PDIA5: variants seen among roughly 807,000 people sequenced by gnomAD.
PDIA5 encodes the protein protein disulfide isomerase family A member 5, also known as protein disulfide-isomerase A5.
Under a neutral mutation model 77.6 loss-of-function variants are expected in PDIA5, and 58 were observed. The ratio of observed to expected loss-of-function variants is 0.75; its 90% CI spans 0.61 to 0.93. The LOEUF is 0.93. Among genes scored for constraint, PDIA5 ranks in the 40% least tolerant of loss-of-function variants. The probability of loss-of-function intolerance (pLI) is 0.00; values close to 1 mark genes in which losing one functional copy is unlikely to be tolerated. For missense variants in PDIA5, 630 were observed against 647.7 expected (o/e 0.97, Z 0.30); for synonymous variants, 250 against 252.1 (o/e 0.99, Z 0.08).
chr3:123,149,961 G>C (rs984110084), intron 13 of PDIA5, among the ~76,000 whole-genome samples: 1 of 152,122 alleles, frequency 6.6e-6, no homozygotes, highest in Non-Finnish European at 1.5e-5. Context: ...CCCACAACTG[G>C]GGGGGCTGCC....
At chr3:123,067,413 CGCAGGGGCAGGAGGCA>C (rs1282072219) in intron 1 of PDIA5, 2 of 426,988 alleles carry the variant, frequency 4.7e-6, no homozygotes, top group African/African-American at 4.1e-5. Context: ...CGCTCCCGGA[CGCAGGGGCAGGAGGCA>C]GCTGTGGGGC....
Position 123,096,851 on chromosome 3 carries a change from G to A in PDIA5, c.257+4409G>A, listed in dbSNP as rs1263298140. On this transcript the variant is annotated intron_variant, in intron 3 of 16. Transcript: ENST00000316218. ...TCCCCTCGTGCCCTGCCAGCTGGGC[G>A]CTGGGGCTCGGGCTTGGCGTGGAGT... Among the ~76,000 whole-genome samples, 4 of 152,254 alleles carry A rather than the reference G, an allele frequency of 2.6e-5. 1 individual carries two copies. Among genetic ancestry groups the A allele is most frequent in the Non-Finnish European group, 4.4e-5 (3 of 68,054 alleles).
chr3:123,123,404 C>T (rs780693258), intron 8 of PDIA5, among the ~76,000 whole-genome samples: 3 of 152,218 alleles, frequency 2.0e-5, no homozygotes, highest in Non-Finnish European at 2.9e-5. Flanking sequence ...TCCAGCCAGG[C>T]TGTGGGTAAT....
chr3:123,106,956 C>G (rs1934749782), intron 6 of PDIA5, 115 bp downstream of exon 6: 2 of 738,060 alleles, frequency 2.7e-6, no homozygotes. Context: ...ATCACTTGTA[C>G]TTTTCCTCTA....
intron 1 of PDIA5, among the ~76,000 whole-genome samples, chr3:123,082,927 T>A (rs113361924): frequency 6.6e-6 from 1 of 152,146 alleles, no homozygotes; most frequent in African/African-American, 2.4e-5. Context: ...CCTGAGCCAG[T>A]GCTCTTTCTG....
intron 1 of PDIA5, among the ~76,000 whole-genome samples, chr3:123,077,244 T>C (rs904054167): frequency 5.9e-5 from 9 of 152,202 alleles, no homozygotes; most frequent in African/African-American, 2.2e-4. Context: ...AGTTTCTTTA[T>C]CTATAAAATG....
rs369280922 is a variant in PDIA5 at position 123,116,258 on chromosome 3, C to T, written c.569C>T (p.Pro190Leu). Residue 190 changes from proline to leucine, a missense_variant, in exon 8 of 17, where the codon CCG (proline) becomes CTG (leucine). Pro to Leu is a moderately conservative substitution (Grantham distance 98). Transcript: ENST00000316218. ...PWCSMCKRMMPHFQKAATQLR... is the reference protein window; with the variant it reads ...PWCSMCKRMMLHFQKAATQLR... ...TGCAGCATGTGCAAGAGGATGATGC[C>T]GCATTTCCAGAAGGCTGCGACTCAG... is the stretch of plus-strand genomic sequence containing the variant. 9 of 1,613,836 alleles carry T rather than the reference C, an allele frequency of 5.6e-6. No individual in the cohort carries two copies. The highest frequency in any genetic ancestry group is 3.3e-5 in the Admixed American group (2 of 60,006).
rs903348975 is a variant in PDIA5, at chr3:123,161,868, A to C, written c.1480-12A>C. On this transcript the variant is annotated splice_polypyrimidine_tract_variant and intron_variant, in intron 16 of 16. Coordinates refer to ENST00000316218, the MANE Select transcript of PDIA5 (RefSeq NM_006810.4). ...AGCTCTTTCTCTCTCTCTCTCTCCC[A>C]CTTCCCTGCAGGAATTGGGATTTAC... 2.6e-6 allele frequency: 4 copies of C among 1,535,150 alleles called. No individual in the cohort carries two copies. The highest frequency in any genetic ancestry group is 2.7e-5 in the African/African-American group (2 of 73,256).
chr3:123,073,418 A>T (rs1042038881), intron 1 of PDIA5, among the ~76,000 whole-genome samples: 2 of 152,150 alleles, frequency 1.3e-5, no homozygotes, highest in Non-Finnish European at 2.9e-5. Flanking sequence ...TGTCCCTGAA[A>T]CTTGCTTTTC....
chr3:123,081,187 C>T (rs1044457626), intron 1 of PDIA5, among the ~76,000 whole-genome samples: 14 of 152,188 alleles, frequency 9.2e-5, no homozygotes, highest in African/African-American at 3.4e-4. Flanking sequence ...GATTACCTCA[C>T]AGTACTTCTC....
At chr3:123,115,340 A>C (rs1023214881) in intron 7 of PDIA5, among the ~76,000 whole-genome samples, 13 of 152,068 alleles carry the variant, frequency 8.5e-5, no homozygotes, top group African/African-American at 3.1e-4. Context: ...GGTCACTCTA[A>C]AGTTTTAGTG....
chr3:123,085,265 T>C (rs1934107899), intron 1 of PDIA5, among the ~76,000 whole-genome samples: 1 of 152,174 alleles, frequency 6.6e-6, no homozygotes, highest in African/African-American at 2.4e-5. Context: ...CCTGCCCTCC[T>C]CCAGAGCTCT....
intron 7 of PDIA5, among the ~76,000 whole-genome samples, chr3:123,112,424 C>T (rs1049661801): frequency 6.6e-6 from 1 of 151,974 alleles, no homozygotes; most frequent in Admixed American, 6.6e-5. Context: ...CATCTGTGCC[C>T]TGGGGATGAC....
chr3:123,072,373 G>T (rs773807683), intron 1 of PDIA5, among the ~76,000 whole-genome samples: 1 of 152,212 alleles, frequency 6.6e-6, no homozygotes, highest in Admixed American at 6.5e-5. Context: ...CGCTTGGCAC[G>T]TGAAAGTGCC....
At chr3:123,069,184 C>T (rs1374616511) in intron 1 of PDIA5, among the ~76,000 whole-genome samples, 2 of 152,144 alleles carry the variant, frequency 1.3e-5, no homozygotes, top group African/African-American at 4.8e-5. Flanking sequence ...AATTTAAATG[C>T]TGTATCTATC....
chr3:123,106,909 A>G, intron 6 of PDIA5, 68 bp downstream of exon 6: 1 of 1,065,272 alleles, frequency 9.4e-7, no homozygotes, highest in East Asian at 2.4e-5. Context: ...TCCCAAGGAA[A>G]GGAGCCCAAC....
At position 123,161,209 on chromosome 3, in the gene PDIA5, GAGAAAAATC is replaced by G. The variant is rs1343456554; in HGVS notation, c.1345-108_1345-100del. ...GGTTCAGTTCCTACCTGCCACTGAGGAGAAAAATCAGAGTGGGCCTGTGACGTGGACTAG... is the reference window on the plus strand; with the variant it reads ...GGTTCAGTTCCTACCTGCCACTGAGGAGAGTGGGCCTGTGACGTGGACTAG... On this transcript the variant is annotated intron_variant, in intron 15 of 16. Coordinates refer to ENST00000316218, the MANE Select transcript of PDIA5 (RefSeq NM_006810.4). 4 of 1,163,294 alleles carry G rather than the reference GAGAAAAATC, an allele frequency of 3.4e-6. No individual in the cohort carries two copies. The African/African-American group carries it at 6.2e-5, about 18-fold the overall frequency. The allele number at this position is 1,163,294 out of a possible 1,614,324, so 72.1% of individuals were successfully genotyped here.
chr3:123,118,695 A>G (rs1044262906), intron 8 of PDIA5, among the ~76,000 whole-genome samples: 3 of 152,222 alleles, frequency 2.0e-5, no homozygotes, highest in African/African-American at 7.2e-5. Flanking sequence ...TTTCTTGGGC[A>G]CAGGAGTTGT....
intron 11 of PDIA5, among the ~76,000 whole-genome samples, chr3:123,133,617 CTG>C (rs543224498): frequency 9.1e-4 from 138 of 152,338 alleles, no homozygotes; most frequent in Non-Finnish European, 1.3e-3. Flanking sequence ...TACATTGTGA[CTG>C]TGAATCTGGC....
Sources: gnomAD v4.1 joint callset for allele counts (sites outside exome capture counted in the v4.1 genomes callset) on GRCh38, gnomAD v4.1.1 for gene constraint, MANE v1.5 for transcripts, NCBI Gene and HGNC (gene_info 2026-07-23, HGNC 2026-07-21) for gene names.